Variants in KCNU1 observed in about 807,000 individuals in gnomAD.
KCNU1 encodes potassium calcium-activated channel subfamily U member 1, also known as potassium channel subfamily U member 1.
A neutral mutation model predicts 126.8 loss-of-function variants in KCNU1; 93 were observed. The ratio of observed to expected loss-of-function variants is 0.73; its 90% CI spans 0.62 to 0.87. KCNU1 has a LOEUF of 0.87. KCNU1 is among the 40% of genes least tolerant of loss of function. The probability of loss-of-function intolerance (pLI) is 0.00; values close to 1 mark genes in which losing one functional copy is unlikely to be tolerated. For synonymous variants in KCNU1, 523 were observed against 494.2 expected, an observed-to-expected ratio of 1.06 and a Z score of -0.77; for missense variants, 1,330 against 1,367.1, an observed-to-expected ratio of 0.97 and a Z score of 0.43.
intron 19 of KCNU1, among the ~76,000 whole-genome samples, chr8:36,894,988 T>C (rs1807127865): frequency 1.3e-5 from 2 of 152,134 alleles, no homozygotes; most frequent in African/African-American, 4.8e-5. Context: ...AACTTTGCCA[T>C]TGTTAGTTCC....
intron 19 of KCNU1, among the ~76,000 whole-genome samples, chr8:36,879,992 G>A (rs1292869323): frequency 6.6e-6 from 1 of 152,206 alleles, no homozygotes; most frequent in African/African-American, 2.4e-5. Context: ...ACTCTGGCAG[G>A]ATGTACTGCA....
intron 2 of KCNU1, among the ~76,000 whole-genome samples, chr8:36,802,579 G>T (rs1009435462): frequency 7.2e-5 from 11 of 152,106 alleles, no homozygotes; most frequent in African/African-American, 1.2e-4. Context: ...AATCTGGGAG[G>T]ATAATAGTTC....
At chr8:36,917,904 A>C (rs2117565079) in intron 22 of KCNU1, among the ~76,000 whole-genome samples, 1 of 152,246 alleles carries the variant, frequency 6.6e-6, no homozygotes, top group East Asian at 1.9e-4. Flanking sequence ...CTCAGGCTTT[A>C]AGAAACCCCA....
intron 19 of KCNU1, among the ~76,000 whole-genome samples, chr8:36,881,285 C>T (rs1327720289): frequency 6.6e-6 from 1 of 152,188 alleles, no homozygotes; most frequent in African/African-American, 2.4e-5. Context: ...GCTCTGTCAT[C>T]TAGGCTGGAG....
At chr8:36,900,666 A>G (rs534719670) in intron 19 of KCNU1, among the ~76,000 whole-genome samples, 1 of 152,212 alleles carries the variant, frequency 6.6e-6, no homozygotes, top group Non-Finnish European at 1.5e-5. Flanking sequence ...CTTGCTATTT[A>G]TAAAGTCATT....
intron 18 of KCNU1, among the ~76,000 whole-genome samples, chr8:36,847,267 G>T (rs1805184133): frequency 6.6e-6 from 1 of 152,022 alleles, no homozygotes; most frequent in African/African-American, 2.4e-5. Context: ...TTTTGAAATA[G>T]AGTGATATTT....
chr8:36,829,780 C>T (rs984699675), intron 10 of KCNU1, among the ~76,000 whole-genome samples: 4 of 151,106 alleles, frequency 2.6e-5, no homozygotes, highest in African/African-American at 9.7e-5. Flanking sequence ...ATTTAGTTCT[C>T]CTTTAGTACC....
intron 7 of KCNU1, among the ~76,000 whole-genome samples, chr8:36,810,531 A>G (rs950403873): frequency 5.9e-5 from 9 of 152,230 alleles, no homozygotes; most frequent in African/African-American, 2.2e-4. Context: ...AAAAACCTAG[A>G]AAAGCTATAT....
At chr8:36,802,447 G>T (rs967094524) in intron 2 of KCNU1, among the ~76,000 whole-genome samples, 1 of 152,138 alleles carries the variant, frequency 6.6e-6, no homozygotes, top group Non-Finnish European at 1.5e-5. Flanking sequence ...TGTGTCAGAC[G>T]AGTTGCCACC....
intron 2 of KCNU1, among the ~76,000 whole-genome samples, chr8:36,802,167 C>A (rs190388310): frequency 0.014 from 2,149 of 149,666 alleles, 51 homozygotes; most frequent in African/African-American, 0.048. Flanking sequence ...CCCAACACTA[C>A]CACTTACAAA....
intron 19 of KCNU1, among the ~76,000 whole-genome samples, chr8:36,900,683 A>G (rs1369072984): frequency 6.6e-6 from 1 of 152,066 alleles, no homozygotes; most frequent in African/African-American, 2.4e-5. Context: ...CATTGGAGAG[A>G]GGGCAGATGT....
intron 10 of KCNU1, among the ~76,000 whole-genome samples, chr8:36,829,052 T>A (rs148226162): frequency 2.0e-5 from 3 of 152,278 alleles, no homozygotes; most frequent in African/African-American, 4.8e-5. Flanking sequence ...TAGGCACACA[T>A]CTTTTCTCTT....
intron 18 of KCNU1, among the ~76,000 whole-genome samples, chr8:36,847,577 C>T (rs565284981): frequency 1.3e-5 from 2 of 152,252 alleles, no homozygotes; most frequent in Admixed American, 1.3e-4. Context: ...TTTTAGCTCC[C>T]ATGTGTGGGT....
chr8:36,886,910 A>G (rs1270708465), intron 19 of KCNU1, among the ~76,000 whole-genome samples: 1 of 152,072 alleles, frequency 6.6e-6, no homozygotes, highest in Non-Finnish European at 1.5e-5. Flanking sequence ...TTGGTTTTCC[A>G]TTACTGAGTT....
chr8:36,848,930 T>C (rs1016135686), intron 18 of KCNU1, among the ~76,000 whole-genome samples: 18 of 152,148 alleles, frequency 1.2e-4, no homozygotes, highest in African/African-American at 4.3e-4. Context: ...TCAGGCTGTG[T>C]CCTATCTTTA....
intron 19 of KCNU1, among the ~76,000 whole-genome samples, chr8:36,877,510 C>A (rs1806318983): frequency 1.3e-5 from 2 of 151,980 alleles, no homozygotes; most frequent in South Asian, 4.1e-4. Flanking sequence ...ACCATGTTGG[C>A]CAGGCTGGTC....
chr8:36,814,272 A>G lies in KCNU1; in HGVS notation c.798A>G (p.Ser266=), dbSNP rs761405051. 29 of 1,613,180 alleles carry G rather than the reference A, an allele frequency of 1.8e-5. No homozygotes were observed. Among genetic ancestry groups the G allele is most frequent in the Middle Eastern group, 1.6e-4 (1 of 6,082 alleles). ...RNSQNISYFE[S]IYLVMATTST... ...CACAGAATATATCATATTTTGAGTCAATTTACCTGGTCATGGCAACAACGT... is the reference window on the plus strand; with the variant it reads ...CACAGAATATATCATATTTTGAGTCGATTTACCTGGTCATGGCAACAACGT... Residue 266 remains serine, a synonymous_variant, in exon 8 of 27, where the codon TCA becomes TCG. Coordinates refer to ENST00000399881, the MANE Select transcript of KCNU1 (RefSeq NM_001031836.3).
At position 36,918,917 on chromosome 8, in the gene KCNU1, G is replaced by C. The variant is rs760184367; in HGVS notation, c.2596+20G>C. The C allele has an allele frequency of 6.6e-7, 1 of 1,509,926 alleles. No individual in the cohort carries two copies. Among genetic ancestry groups the C allele is most frequent in the South Asian group, 1.2e-5 (1 of 86,904 alleles). The allele number at this position is 1,509,926 out of a possible 1,614,324, so 93.5% of individuals were successfully genotyped here. A position where few individuals can be genotyped will look rare whatever the true frequency, so the allele number is the denominator to read the frequency against. ...AACTGAGTAAGTGGTGTTTCGAGGG[G>C]AAAATTCAATGGAGAAATTTTTGTG... On this transcript the variant is annotated intron_variant, in intron 23 of 26. Transcript: ENST00000399881.
chr8:36,866,161 T>A (rs1253578768), intron 19 of KCNU1, among the ~76,000 whole-genome samples: 1 of 152,158 alleles, frequency 6.6e-6, no homozygotes, highest in African/African-American at 2.4e-5. Context: ...GTATTTAGAA[T>A]TGGGCTGAGA....
Sources: gnomAD v4.1 joint callset for allele counts (sites outside exome capture counted in the v4.1 genomes callset) on GRCh38, gnomAD v4.1.1 for gene constraint, MANE v1.5 for transcripts, NCBI Gene and HGNC (gene_info 2026-07-23, HGNC 2026-07-21) for gene names.